The following USP6NL variants were observed in gnomAD, a reference collection of about 807,000 sequenced individuals.
USP6NL encodes USP6 N-terminal like.
Under a neutral mutation model 61.9 loss-of-function variants are expected in USP6NL, and 26 were observed. The ratio of observed to expected loss-of-function variants is 0.42; its 90% CI spans 0.31 to 0.58. The LOEUF (loss-of-function observed/expected upper bound fraction) is 0.58, where lower values mean the gene tolerates loss of function less well. USP6NL is among the 20% of genes least tolerant of loss of function. USP6NL has a pLI of 0.16. For missense variants in USP6NL, 1,114 were observed against 1,034.3 expected, an observed-to-expected ratio of 1.08 and a Z score of -1.06; for synonymous variants, 432 against 390.1, an observed-to-expected ratio of 1.11 and a Z score of -1.27.
rs1214369704 is a variant in USP6NL, at chr10:11,581,828, G to A, written c.4+15803C>T. 2.0e-5 allele frequency among the ~76,000 whole-genome samples: 3 copies of A among 152,038 alleles called. No individual in the cohort carries two copies. The East Asian group carries it at 5.8e-4, about 29-fold the overall frequency. On this transcript the variant is annotated intron_variant, in intron 2 of 14. Transcript: ENST00000609104. The stretch of plus-strand genomic sequence containing the variant: ...CATTCTGTCGCCCAGGCTGGAGTGT[G>A]GTGGCTCGATCTCAGCTCATGCAAC...
At chr10:11,582,598 A>G (rs539021727) in intron 2 of USP6NL, among the ~76,000 whole-genome samples, 1 of 152,372 alleles carries the variant, frequency 6.6e-6, no homozygotes, top group East Asian at 1.9e-4. Context: ...CTTCTCTCAT[A>G]TAATTTCAAA....
intron 14 of USP6NL, among the ~76,000 whole-genome samples, chr10:11,480,916 C>T (rs995773319): frequency 6.6e-6 from 1 of 152,198 alleles, no homozygotes; most frequent in African/African-American, 2.4e-5. Flanking sequence ...AACTTTTTCT[C>T]AAGACATACA....
At position 11,561,529 on chromosome 10, in the gene USP6NL, A is replaced by G. The variant is rs1053582155; in HGVS notation, c.5-33962T>C. Among the ~76,000 whole-genome samples the G allele has an allele frequency of 6.6e-6, 1 of 152,166 alleles. No homozygotes were observed. The highest frequency in any genetic ancestry group is 6.5e-5 in the Admixed American group (1 of 15,274). ...TTCTACTCAAATATATTTCATAGACATTTTTCCAGGTCTGTTCAGATAAAT... is the reference window on the plus strand; with the variant it reads ...TTCTACTCAAATATATTTCATAGACGTTTTTCCAGGTCTGTTCAGATAAAT... On this transcript the variant is annotated intron_variant, in intron 2 of 14. Transcript: ENST00000609104. The surrounding 1 kb of genome is among the most constrained non-coding windows in gnomAD (Gnocchi z 4.1).
chr10:11,548,901 C>T lies in USP6NL; in HGVS notation c.5-21334G>A, dbSNP rs958489719. ...AGGAAGTTGTATTAGTGCTATTATACCCAGAAAAGTCCCTAAAGACCATTA... is the reference window on the plus strand; with the variant it reads ...AGGAAGTTGTATTAGTGCTATTATATCCAGAAAAGTCCCTAAAGACCATTA... On this transcript the variant is annotated intron_variant, in intron 2 of 14. Coordinates refer to ENST00000609104, the MANE Select transcript of USP6NL (RefSeq NM_014688.5). This position sits in a 1 kb window ranked among gnomAD's most constrained non-coding sequence, Gnocchi z 4.3. Among the ~76,000 whole-genome samples, 25 of 152,088 alleles carry T rather than the reference C, an allele frequency of 1.6e-4. No homozygotes were observed. The highest frequency in any genetic ancestry group is 2.6e-4 in the Admixed American group (4 of 15,268).
Position 11,525,332 on chromosome 10 carries a change from T to C in USP6NL, c.155+54A>G. 7.2e-7 allele frequency: 1 copy of C among 1,390,620 alleles called. No individual in the cohort carries two copies. The highest frequency in any genetic ancestry group is 1.3e-5 in the South Asian group (1 of 76,112). The allele number at this position is 1,390,620 out of a possible 1,614,324, so 86.1% of individuals were successfully genotyped here. ...AAATAAAGAAAATCAATATAATAGG[T>C]GACCACAGAAACGTTATAATCTAAA... is the stretch of plus-strand genomic sequence containing the variant. On this transcript the variant is annotated intron_variant, in intron 4 of 14. Transcript: ENST00000609104. This position sits in a 1 kb window ranked among gnomAD's most constrained non-coding sequence, Gnocchi z 5.0.
At chr10:11,556,541 ACAAG>A (rs1276649773) in intron 2 of USP6NL, among the ~76,000 whole-genome samples, 2 of 152,224 alleles carry the variant, frequency 1.3e-5, no homozygotes, top group African/African-American at 4.8e-5. Flanking sequence ...TCATAAACAA[ACAAG>A]CACTCAGCAA....
intron 2 of USP6NL, among the ~76,000 whole-genome samples, chr10:11,557,058 T>A (rs149886308): frequency 6.6e-6 from 1 of 152,370 alleles, no homozygotes; most frequent in South Asian, 2.1e-4. Context: ...GCATTTTTAA[T>A]AGATTACTAA....
chr10:11,539,152 G>T (rs945655706), intron 2 of USP6NL, among the ~76,000 whole-genome samples: 6 of 152,206 alleles, frequency 3.9e-5, no homozygotes, highest in African/African-American at 1.4e-4. Flanking sequence ...CCCTGTCCCT[G>T]GGTGCAGCCT....
chr10:11,576,539 G>A (rs770015291), intron 2 of USP6NL, among the ~76,000 whole-genome samples: 2 of 152,198 alleles, frequency 1.3e-5, no homozygotes, highest in African/African-American at 2.4e-5. Context: ...TTTCCACGAC[G>A]TGAGGAGAAG....
intron 2 of USP6NL, among the ~76,000 whole-genome samples, chr10:11,576,452 A>C (rs566832581): frequency 6.0e-4 from 92 of 152,336 alleles, no homozygotes; most frequent in African/African-American, 2.2e-3. Flanking sequence ...TTGAGAGTTG[A>C]TTAAATCACA....
chr10:11,576,497 T>C (rs189322600), intron 2 of USP6NL, among the ~76,000 whole-genome samples: 1 of 152,326 alleles, frequency 6.6e-6, no homozygotes, highest in Admixed American at 6.5e-5. Flanking sequence ...TTAGTGCCCT[T>C]ACAAGAGGTA....
At chr10:11,480,245 T>A (rs1833140840) in intron 14 of USP6NL, among the ~76,000 whole-genome samples, 1 of 152,220 alleles carries the variant, frequency 6.6e-6, no homozygotes. Context: ...AGACGGCACC[T>A]GTGGTACGTG....
intron 5 of USP6NL, among the ~76,000 whole-genome samples, chr10:11,517,637 T>C (rs1835012237): frequency 6.6e-6 from 1 of 152,240 alleles, no homozygotes; most frequent in African/African-American, 2.4e-5. Flanking sequence ...AGAATTCAAC[T>C]GCAGGTCTGC....
Position 11,561,412 on chromosome 10 carries a change from T to C in USP6NL, c.5-33845A>G, listed in dbSNP as rs1003476619. On this transcript the variant is annotated intron_variant, in intron 2 of 14. Coordinates refer to ENST00000609104, the MANE Select transcript of USP6NL (RefSeq NM_014688.5). The surrounding 1 kb of genome is among the most constrained non-coding windows in gnomAD (Gnocchi z 4.1). ...AAACATACCATACACAGGATACACA[T>C]GTGCATACGTGCACAAGAACATATA... Among the ~76,000 whole-genome samples the C allele has an allele frequency of 5.3e-5, 8 of 152,180 alleles. No individual in the cohort carries two copies. Among genetic ancestry groups the C allele is most frequent in the Non-Finnish European group, 7.3e-5 (5 of 68,042 alleles).
At chr10:11,547,271 C>A (rs919895805) in intron 2 of USP6NL, among the ~76,000 whole-genome samples, 2 of 152,200 alleles carry the variant, frequency 1.3e-5, no homozygotes, top group Non-Finnish European at 2.9e-5. Flanking sequence ...AGCATATTTT[C>A]TCAAGCATAT....
chr10:11,543,843 C>T (rs1285570311), intron 2 of USP6NL, among the ~76,000 whole-genome samples: 1 of 109,824 alleles, frequency 9.1e-6, no homozygotes, highest in African/African-American at 3.4e-5. Flanking sequence ...GATGGAGTCT[C>T]GCTGTGTCAC....
chr10:11,533,079 C>T (rs922857532), intron 2 of USP6NL, among the ~76,000 whole-genome samples: 1 of 152,152 alleles, frequency 6.6e-6, no homozygotes, highest in South Asian at 2.1e-4. Context: ...TTACACTTAA[C>T]TGGACACTAA....
chr10:11,541,833 T>C (rs1375203620), intron 2 of USP6NL, among the ~76,000 whole-genome samples: 2 of 152,084 alleles, frequency 1.3e-5, no homozygotes, highest in African/African-American at 4.8e-5. Context: ...GAAAAGACAC[T>C]GGAATGAAAT....
rs528455386 is a variant in USP6NL, at chr10:11,586,781, G to A, written c.4+10850C>T. Among the ~76,000 whole-genome samples the A allele has an allele frequency of 3.9e-5, 5 of 128,316 alleles. No homozygotes were observed. In the South Asian group the frequency reaches 1.2e-3, roughly 30 times the overall value. The allele number at this position is 128,316 out of a possible 152,430, so 84.2% of individuals were successfully genotyped here. Reference sequence around the variant, plus strand: ...TAAAAGTATAAATAGAGGCAAGAGGGGAGTACTTGCCTAAACTAAACTTAA... The same window carrying A: ...TAAAAGTATAAATAGAGGCAAGAGGAGAGTACTTGCCTAAACTAAACTTAA... On this transcript the variant is annotated intron_variant, in intron 2 of 14. Transcript: ENST00000609104.
Sources: gnomAD v4.1 joint callset for allele counts (sites outside exome capture counted in the v4.1 genomes callset) on GRCh38, gnomAD v4.1.1 for gene constraint, Gnocchi (gnomAD v3.1) non-coding constraint, MANE v1.5 for transcripts, NCBI Gene and HGNC (gene_info 2026-07-23, HGNC 2026-07-21) for gene names.